GRM7: variants seen among roughly 807,000 people sequenced by gnomAD.
GRM7 encodes glutamate metabotropic receptor 7.
GRM7 carries 35 observed loss-of-function variants against 84.5 expected under a neutral mutation model. That is an observed-to-expected ratio of 0.41 (90% CI 0.32 to 0.55). The LOEUF (loss-of-function observed/expected upper bound fraction) is 0.55, where lower values mean the gene tolerates loss of function less well. Ranked by LOEUF, GRM7 falls within the 20% of genes least tolerant of loss-of-function variation. GRM7 has a pLI of 0.19. For missense variants in GRM7, 1,003 were observed against 1,194.6 expected (o/e 0.84, Z 2.36); for synonymous variants, 487 against 455.1 (o/e 1.07, Z -0.89).
At chr3:7,207,008 TTGGA>T (rs1388525980) in intron 2 of GRM7, among the ~76,000 whole-genome samples, 3 of 152,066 alleles carry the variant, frequency 2.0e-5, no homozygotes, top group African/African-American at 7.2e-5. Context: ...TACAGACAGT[TTGGA>T]TGGAAATAAG....
At chr3:7,048,222 G>T (rs1200400092) in intron 1 of GRM7, among the ~76,000 whole-genome samples, 1 of 151,954 alleles carries the variant, frequency 6.6e-6, no homozygotes, top group Non-Finnish European at 1.5e-5. Flanking sequence ...CCTTATCCAA[G>T]CATAACTGAG....
intron 7 of GRM7, among the ~76,000 whole-genome samples, chr3:7,570,730 C>A (rs1694613470): frequency 6.6e-6 from 1 of 152,208 alleles, no homozygotes; most frequent in African/African-American, 2.4e-5. Context: ...TTTCTCACAG[C>A]CCCACTAGGT....
intron 8 of GRM7, among the ~76,000 whole-genome samples, chr3:7,599,444 C>T (rs1425681578): frequency 3.3e-5 from 5 of 152,046 alleles, no homozygotes; most frequent in Non-Finnish European, 2.9e-5. Flanking sequence ...CCCTGTATCC[C>T]GAGTGATGAG....
intron 9 of GRM7, among the ~76,000 whole-genome samples, chr3:7,731,040 G>T (rs1702312328): frequency 6.6e-6 from 1 of 150,880 alleles, no homozygotes; most frequent in Non-Finnish European, 1.5e-5. Flanking sequence ...GTAAACCTCT[G>T]TTTGATGCTT....
intron 7 of GRM7, among the ~76,000 whole-genome samples, chr3:7,472,439 G>A (rs552925298): frequency 6.6e-6 from 1 of 152,176 alleles, no homozygotes. Context: ...ACATTTCTGG[G>A]AAGCTTGGAA....
At chr3:7,042,310 T>G (rs1194382582) in intron 1 of GRM7, among the ~76,000 whole-genome samples, 2 of 152,132 alleles carry the variant, frequency 1.3e-5, no homozygotes, top group African/African-American at 2.4e-5. Context: ...ATGGCTTGCT[T>G]GCTAGTGGGT....
chr3:6,943,067 C>T (rs1452874174), intron 1 of GRM7, among the ~76,000 whole-genome samples: 1 of 151,824 alleles, frequency 6.6e-6, no homozygotes, highest in Non-Finnish European at 1.5e-5. Context: ...AAGTTGGTTC[C>T]TTATTGTCAA....
At chr3:7,048,638 G>A (rs779714434) in intron 1 of GRM7, among the ~76,000 whole-genome samples, 3 of 151,804 alleles carry the variant, frequency 2.0e-5, no homozygotes, top group Non-Finnish European at 2.9e-5. Flanking sequence ...CAACATAAAG[G>A]TTTTGATATG....
At chr3:7,461,526 GAGA>G in intron 6 of GRM7, 54 bp from the exon 7 acceptor site, 1 of 1,417,738 alleles carries the variant, frequency 7.1e-7, no homozygotes, top group Non-Finnish European at 1.0e-6. Flanking sequence ...CATAGTACAA[GAGA>G]TATAAGGAAT....
intron 8 of GRM7, among the ~76,000 whole-genome samples, chr3:7,665,855 C>G (rs141885210): frequency 2.0e-5 from 3 of 152,030 alleles, no homozygotes; most frequent in African/African-American, 7.2e-5. Flanking sequence ...TAAATCCACC[C>G]GTTATATATT....
At chr3:7,706,353 G>C (rs1701387434) in intron 9 of GRM7, among the ~76,000 whole-genome samples, 1 of 152,140 alleles carries the variant, frequency 6.6e-6, no homozygotes, top group South Asian at 2.1e-4. Flanking sequence ...ACCCTATGCA[G>C]AATGTTGTAG....
chr3:7,323,104 C>T (rs1387410516), intron 4 of GRM7, among the ~76,000 whole-genome samples: 1 of 152,084 alleles, frequency 6.6e-6, no homozygotes, highest in Non-Finnish European at 1.5e-5. Flanking sequence ...GAGAATTGGT[C>T]ACTGAAAGGC....
At chr3:7,704,471 G>C (rs1329976358) in intron 9 of GRM7, among the ~76,000 whole-genome samples, 1 of 151,904 alleles carries the variant, frequency 6.6e-6, no homozygotes, top group Non-Finnish European at 1.5e-5. Flanking sequence ...TGTAACAGTT[G>C]AATTTATATT....
In GRM7 at chr3:7,740,478, T is replaced by TC; in HGVS notation, c.*73dup. The TC allele has an allele frequency of 1.1e-5, 9 of 844,098 alleles. No homozygotes were observed. Among genetic ancestry groups the TC allele is most frequent in the Non-Finnish European group, 1.7e-5 (9 of 536,180 alleles). The allele number at this position is 844,098 out of a possible 1,614,324, so 52.3% of individuals were successfully genotyped here. ...TTTGTCACCCAACCTGGCATAGGAC[T>TC]CTTTGGTCCTACCCGCTTCCCATCA... On this transcript the variant is annotated 3_prime_UTR_variant, in exon 10 of 10. Coordinates refer to ENST00000357716, the MANE Select transcript of GRM7 (RefSeq NM_000844.4).
At chr3:7,542,416 C>G (rs983815029) in intron 7 of GRM7, among the ~76,000 whole-genome samples, 8 of 152,158 alleles carry the variant, frequency 5.3e-5, no homozygotes, top group Non-Finnish European at 1.2e-4. Flanking sequence ...AGCCTGCTCC[C>G]TCTCTGTCTT....
chr3:7,419,062 C>A (rs1039526570), intron 5 of GRM7, among the ~76,000 whole-genome samples: 14 of 152,048 alleles, frequency 9.2e-5, no homozygotes, highest in African/African-American at 2.9e-4. Context: ...AATTCAGTGG[C>A]CTGTGAGGAA....
At chr3:7,033,056 G>T (rs1454522208) in intron 1 of GRM7, among the ~76,000 whole-genome samples, 1 of 152,160 alleles carries the variant, frequency 6.6e-6, no homozygotes, top group Non-Finnish European at 1.5e-5. Flanking sequence ...GGCTCTCAGG[G>T]AGAATCTGTT....
chr3:7,215,892 C>T (rs1696593610), intron 2 of GRM7, among the ~76,000 whole-genome samples: 1 of 152,148 alleles, frequency 6.6e-6, no homozygotes, highest in African/African-American at 2.4e-5. Flanking sequence ...TTCCCGCCAA[C>T]TGAATACTTG....
At chr3:7,305,682 G>A (rs1307807847) in intron 3 of GRM7, among the ~76,000 whole-genome samples, 2 of 151,510 alleles carry the variant, frequency 1.3e-5, no homozygotes, top group Non-Finnish European at 2.9e-5. Context: ...AGAAAAAAAA[G>A]TAGAACTGGC....
Sources: gnomAD v4.1 joint callset for allele counts (sites outside exome capture counted in the v4.1 genomes callset) on GRCh38, gnomAD v4.1.1 for gene constraint, MANE v1.5 for transcripts, NCBI Gene and HGNC (gene_info 2026-07-23, HGNC 2026-07-21) for gene names.